Variants in ABLIM2 observed in about 807,000 individuals in gnomAD.
ABLIM2 encodes the protein actin binding LIM protein family member 2, also known as actin-binding LIM protein 2.
A neutral mutation model predicts 97.7 loss-of-function variants in ABLIM2; 53 were observed. That is an observed-to-expected ratio of 0.54 (90% confidence interval 0.44 to 0.68). The LOEUF (loss-of-function observed/expected upper bound fraction) is 0.68, where lower values mean the gene tolerates loss of function less well. Ranked by LOEUF, ABLIM2 falls within the 30% of genes least tolerant of loss-of-function variation. ABLIM2 has a pLI of 0.00. For missense variants in ABLIM2, 835 were observed against 867.2 expected, an observed-to-expected ratio of 0.96 and a Z score of 0.47; for synonymous variants, 361 against 345.8, an observed-to-expected ratio of 1.04 and a Z score of -0.49.
At chr4:8,099,702 G>A (rs1195549634) in intron 2 of ABLIM2, among the ~76,000 whole-genome samples, 1 of 152,062 alleles carries the variant, frequency 6.6e-6, no homozygotes, top group African/African-American at 2.4e-5. Flanking sequence ...AAAATTATCC[G>A]GGCGTGGTGG....
chr4:7,975,036 T>C (rs1018588703), intron 20 of ABLIM2, among the ~76,000 whole-genome samples: 11 of 152,040 alleles, frequency 7.2e-5, no homozygotes, highest in Middle Eastern at 3.2e-3. Context: ...CAGGGCAACA[T>C]AGTAAGACCC....
intron 14 of ABLIM2, among the ~76,000 whole-genome samples, chr4:8,013,916 C>T (rs1392153521): frequency 1.3e-5 from 2 of 152,222 alleles, no homozygotes; most frequent in African/African-American, 4.8e-5. Context: ...CCCGTGTTTC[C>T]AAGAGAGGGC....
chr4:8,014,918 T>G (rs907645183), intron 14 of ABLIM2, among the ~76,000 whole-genome samples: 2 of 143,780 alleles, frequency 1.4e-5, no homozygotes, highest in African/African-American at 5.4e-5. Context: ...CTTCCTTCCT[T>G]TCTTTCTTTT....
intron 4 of ABLIM2, among the ~76,000 whole-genome samples, chr4:8,084,155 C>T (rs1210088963): frequency 6.6e-6 from 1 of 152,216 alleles, no homozygotes; most frequent in Non-Finnish European, 1.5e-5. Context: ...TGGCTTGCAG[C>T]TTCATTTAGG....
rs57026950 is a variant in ABLIM2, at chr4:7,970,535, G to C, written c.1825-3432C>G. Among the ~76,000 whole-genome samples the C allele has an allele frequency of 0.011, 1,625 of 152,076 alleles. 15 individuals are homozygous for C. Among genetic ancestry groups the C allele is most frequent in the African/African-American group, 0.018 (747 of 41,510 alleles). On this transcript the variant is annotated intron_variant, in intron 20 of 20. Coordinates refer to ENST00000447017, the MANE Select transcript of ABLIM2 (RefSeq NM_001130083.2). The surrounding 1 kb of genome is among the most constrained non-coding windows in gnomAD (Gnocchi z 5.3). Reference sequence around the variant, plus strand: ...CATGCTGGGGAAGGAGAGAAGGGCAGGCTTGAGGATGACACCATGTGCTCC... The same window carrying C: ...CATGCTGGGGAAGGAGAGAAGGGCACGCTTGAGGATGACACCATGTGCTCC...
intron 3 of ABLIM2, 45 bp from the exon 4 acceptor site, chr4:8,088,329 C>T (rs573396382): frequency 7.7e-5 from 117 of 1,522,862 alleles, no homozygotes; most frequent in Non-Finnish European, 1.0e-4. Flanking sequence ...CCTTCTGGCT[C>T]CTCTCTGGGG....
At chr4:8,074,247 A>G in intron 6 of ABLIM2, among the ~76,000 whole-genome samples, 1 of 152,166 alleles carries the variant, frequency 6.6e-6, no homozygotes, top group East Asian at 1.9e-4. Context: ...TGAGGCCAAG[A>G]GTTCCAGGCC....
chr4:8,025,511 C>T (rs1251137915), intron 12 of ABLIM2, among the ~76,000 whole-genome samples: 1 of 152,164 alleles, frequency 6.6e-6, no homozygotes, highest in Non-Finnish European at 1.5e-5. Flanking sequence ...AGAGGGCTGC[C>T]AGTCCTTGGG....
chr4:8,096,310 T>A (rs1030169310), intron 3 of ABLIM2, among the ~76,000 whole-genome samples: 1 of 152,234 alleles, frequency 6.6e-6, no homozygotes, highest in South Asian at 2.1e-4. Context: ...TGTCTGTTAT[T>A]ATTTTTTAAA....
At chr4:8,116,704 T>C (rs943599996) in intron 1 of ABLIM2, among the ~76,000 whole-genome samples, 4 of 152,172 alleles carry the variant, frequency 2.6e-5, no homozygotes, top group African/African-American at 7.2e-5. Flanking sequence ...AAAATAAGGA[T>C]TGGATATAGC....
rs921829763 is a variant in ABLIM2 at position 8,106,408 on chromosome 4, G to C, written c.154+86C>G. The C allele has an allele frequency of 6.5e-6, 10 of 1,532,704 alleles. No homozygotes were observed. In the South Asian group the frequency reaches 9.7e-5, roughly 15 times the overall value. The allele number at this position is 1,532,704 out of a possible 1,614,324, so 94.9% of individuals were successfully genotyped here. On this transcript the variant is annotated intron_variant, in intron 2 of 20. Transcript: ENST00000447017. The stretch of plus-strand genomic sequence containing the variant: ...CTCCAGTATCCCAGGCCCAGGCAGA[G>C]CTTCCCAGGAGGCTTTGCGGGCCCA...
rs556337408 is a variant in ABLIM2, at chr4:8,064,912, A to C, written c.676-3858T>G. On this transcript the variant is annotated intron_variant, in intron 6 of 20. Transcript: ENST00000447017. ...TGTATTACATGCCAACAAAGCAAAG[A>C]CCTAAACGCAAGAGCTAAAACTGAA... 2.0e-3 allele frequency among the ~76,000 whole-genome samples: 311 copies of C among 152,292 alleles called. 2 individuals are homozygous for C. The highest frequency in any genetic ancestry group is 6.6e-3 in the African/African-American group (273 of 41,562).
At chr4:8,106,716 C>T (rs375042725) in intron 1 of ABLIM2, 79 bp from the exon 2 acceptor site, 248 of 1,495,602 alleles carry the variant, frequency 1.7e-4, no homozygotes, top group African/African-American at 5.8e-4. Context: ...CGTGTGAGGA[C>T]GCACAGCTGA....
At chr4:8,078,709 CCTCT>C (rs1289828160) in intron 5 of ABLIM2, among the ~76,000 whole-genome samples, 2 of 152,210 alleles carry the variant, frequency 1.3e-5, no homozygotes, top group Non-Finnish European at 1.5e-5. Context: ...ACTCACTTAA[CCTCT>C]CTGAGCCTCA....
At position 8,002,409 on chromosome 4, in the gene ABLIM2, C is replaced by T. The variant is rs1578341604; in HGVS notation, c.1618+5650G>A. 6.7e-6 allele frequency among the ~76,000 whole-genome samples: 1 copy of T among 149,832 alleles called. No homozygotes were observed. The highest frequency in any genetic ancestry group is 2.6e-5 in the African/African-American group (1 of 39,186). On this transcript the variant is annotated intron_variant, in intron 16 of 20. Transcript: ENST00000447017. This position sits in a 1 kb window ranked among gnomAD's most constrained non-coding sequence, Gnocchi z 6.1. ...CCTGCCAGTGAGATCCTTCCAGGGC[C>T]CCCCACTGCTTTTGTGGGAGCCCTT...
In ABLIM2 at chr4:8,036,274, G is replaced by A. The variant is rs1784411122; in HGVS notation, c.922C>T (p.Leu308=). ...VIYAKLGGEI[L]DYRDLAALPK... Reference sequence around the variant, plus strand: ...AGGGCTGCCAAGTCCCTGTAGTCCAGGATCTCACCACCAAGCTTGGCCTGA... The same window carrying A: ...AGGGCTGCCAAGTCCCTGTAGTCCAAGATCTCACCACCAAGCTTGGCCTGA... The change falls in exon 10 of 21, where the codon CTG becomes TTG. Residue 308 remains leucine, a synonymous_variant. Transcript: ENST00000447017. 6.2e-7 allele frequency: 1 copy of A among 1,613,814 alleles called. No homozygotes were observed. The highest frequency in any genetic ancestry group is 8.5e-7 in the Non-Finnish European group (1 of 1,179,798).
intron 3 of ABLIM2, among the ~76,000 whole-genome samples, chr4:8,089,706 G>T (rs1826007572): frequency 7.4e-6 from 1 of 134,534 alleles, no homozygotes. Context: ...TGCACTCCAG[G>T]CTGGGCCAAA....
intron 1 of ABLIM2, among the ~76,000 whole-genome samples, chr4:8,118,905 CTAACTT>C (rs1843988406): frequency 6.6e-6 from 1 of 152,212 alleles, no homozygotes; most frequent in Admixed American, 6.5e-5. Flanking sequence ...TCTTTGCACC[CTAACTT>C]TAAGAAAATT....
intron 8 of ABLIM2, among the ~76,000 whole-genome samples, chr4:8,049,973 C>G (rs1171473789): frequency 6.6e-6 from 1 of 152,202 alleles, no homozygotes; most frequent in Admixed American, 6.5e-5. Flanking sequence ...AATGATCCAC[C>G]AACCTCAGCC....
Sources: gnomAD v4.1 joint callset for allele counts (sites outside exome capture counted in the v4.1 genomes callset) on GRCh38, gnomAD v4.1.1 for gene constraint, Gnocchi (gnomAD v3.1) non-coding constraint, MANE v1.5 for transcripts, NCBI Gene and HGNC (gene_info 2026-07-23, HGNC 2026-07-21) for gene names.